The following DAB1 variants were observed in gnomAD, a reference collection of about 807,000 sequenced individuals.
The protein encoded by DAB1 is disabled homolog 1.
In DAB1, 15 loss-of-function variants were observed where a neutral mutation model predicts 64.6. That is an observed-to-expected ratio of 0.23 (90% CI 0.16 to 0.36). DAB1 has a LOEUF of 0.36. Ranked by LOEUF, DAB1 falls within the 10% of genes least tolerant of loss-of-function variation. The probability of loss-of-function intolerance (pLI) is 1.00; values close to 1 mark genes in which losing one functional copy is unlikely to be tolerated. For synonymous variants in DAB1, 235 were observed against 251.9 expected, an observed-to-expected ratio of 0.93 and a Z score of 0.64; for missense variants, 596 against 706.7, an observed-to-expected ratio of 0.84 and a Z score of 1.78.
intron 3 of DAB1, among the ~76,000 whole-genome samples, chr1:58,395,803 T>C (rs1644516429): frequency 6.6e-6 from 1 of 152,188 alleles, no homozygotes. Context: ...TCCTTGGAGC[T>C]TGGTGCTGGG....
At position 57,015,328 on chromosome 1, in the gene DAB1, C is replaced by A. The variant is rs749617356; in HGVS notation, c.999G>T (p.Met333Ile). Residue 333 changes from methionine to isoleucine, a missense_variant, in exon 12 of 15, where the codon ATG becomes ATT. Physicochemically the swap from Met to Ile is conservative, Grantham distance 10. Around this residue, in one of 3 missense-constraint regions of DAB1, gnomAD observed 377 missense variants for 400.4 expected, o/e 0.94. Transcript: ENST00000371236. ...MGAQPPVAQV[M>I]PGAQPIAWGQ... ...CCCATGCGATGGGCTGAGCCCCCGG[C>A]ATCACCTGAGCGACTGGTGGCTGGG... 6.2e-7 allele frequency: 1 copy of A among 1,614,062 alleles called. No individual in the cohort carries two copies. The highest frequency in any genetic ancestry group is 8.5e-7 in the Non-Finnish European group (1 of 1,180,020).
chr1:58,441,667 T>C (rs953126999), intron 3 of DAB1, among the ~76,000 whole-genome samples: 2 of 152,180 alleles, frequency 1.3e-5, no homozygotes, highest in African/African-American at 4.8e-5. Flanking sequence ...GACATTTCTC[T>C]CATATGGTTT....
At chr1:58,300,373 C>G (rs924984235) in intron 4 of DAB1, among the ~76,000 whole-genome samples, 7 of 151,682 alleles carry the variant, frequency 4.6e-5, no homozygotes, top group Non-Finnish European at 2.9e-5. Context: ...TGGTGAAACC[C>G]CGTCTCTACT....
At chr1:57,573,150 C>T (rs1343300869) in intron 7 of DAB1, among the ~76,000 whole-genome samples, 3 of 152,122 alleles carry the variant, frequency 2.0e-5, no homozygotes, top group Admixed American at 1.3e-4. Flanking sequence ...TGCAGTGGCA[C>T]AATCATAGCT....
At chr1:57,326,863 C>T (rs529655332) in intron 1 of DAB1, among the ~76,000 whole-genome samples, 1 of 152,218 alleles carries the variant, frequency 6.6e-6, no homozygotes, top group East Asian at 1.9e-4. Flanking sequence ...GGGCTTAGGG[C>T]TTCAACACAG....
chr1:57,407,767 A>AGTGTGTGAGT (rs1683764830), intron 1 of DAB1, among the ~76,000 whole-genome samples: 1 of 146,940 alleles, frequency 6.8e-6, no homozygotes, highest in Admixed American at 6.8e-5. Flanking sequence ...AGATATCTGA[A>AGTGTGTGAGT]GTGTGTGTGT....
rs1491124501 is a variant in DAB1 at position 57,502,117 on chromosome 1, G to GT, written n.625+147474_625+147475insA. On this transcript the variant is annotated intron_variant and non_coding_transcript_variant, in intron 7 of 20. Transcript: ENST00000485760. ...CAGTGGATCACGAGGTCAGGAGATCGAGACCATCCTGGCTAACACGGTGAA... is the reference window on the plus strand; with the variant it reads ...CAGTGGATCACGAGGTCAGGAGATCGTAGACCATCCTGGCTAACACGGTGAA... Among the ~76,000 whole-genome samples the GT allele has an allele frequency of 3.3e-5, 5 of 152,046 alleles. No homozygotes were observed. In the East Asian group the frequency reaches 7.8e-4, roughly 24 times the overall value.
chr1:57,353,920 T>G (rs1246283952), intron 1 of DAB1, among the ~76,000 whole-genome samples: 1 of 152,188 alleles, frequency 6.6e-6, no homozygotes, highest in Non-Finnish European at 1.5e-5. Context: ...CCTCAAAGCT[T>G]CTTTTCCTTT....
At chr1:58,199,034 G>A (rs1657851601) in intron 4 of DAB1, among the ~76,000 whole-genome samples, 2 of 152,202 alleles carry the variant, frequency 1.3e-5, no homozygotes, top group South Asian at 4.1e-4. Flanking sequence ...TTAAACCTGG[G>A]AGGCAGAGGT....
intron 1 of DAB1, among the ~76,000 whole-genome samples, chr1:57,401,355 A>G (rs1040377738): frequency 1.3e-5 from 2 of 152,210 alleles, no homozygotes; most frequent in African/African-American, 4.8e-5. Context: ...CTAAATATTT[A>G]TTAAGTGCAT....
At chr1:58,541,634 A>AC (rs1646620751) in intron 1 of DAB1, 1 of 148,764 alleles carries the variant, frequency 6.7e-6, no homozygotes, top group Non-Finnish European at 1.5e-5. Flanking sequence ...AAAAAAAAAA[A>AC]AAAAAAACCA....
intron 7 of DAB1, among the ~76,000 whole-genome samples, chr1:57,450,199 C>G (rs1234555553): frequency 6.6e-6 from 1 of 152,148 alleles, no homozygotes; most frequent in Non-Finnish European, 1.5e-5. Flanking sequence ...GAGAGACCAC[C>G]TTGGCTTAAA....
chr1:57,666,849 G>GGAGGGA (rs750012743), intron 6 of DAB1, among the ~76,000 whole-genome samples: 4 of 151,008 alleles, frequency 2.6e-5, no homozygotes, highest in South Asian at 4.2e-4. Flanking sequence ...TTAATTAAAA[G>GGAGGGA]GAGGGAGAGG....
chr1:57,432,139 A>G (rs1443438680), intron 7 of DAB1, among the ~76,000 whole-genome samples: 1 of 152,030 alleles, frequency 6.6e-6, no homozygotes, highest in African/African-American at 2.4e-5. Flanking sequence ...AAAAGAATGA[A>G]TTTCCAATGC....
intron 5 of DAB1, among the ~76,000 whole-genome samples, chr1:57,916,943 C>CA (rs144859309): frequency 0.073 from 9,914 of 135,516 alleles, 343 homozygotes; most frequent in African/African-American, 0.075. Flanking sequence ...AACTCTGTCT[C>CA]AAAAAAAAAA....
chr1:58,231,621 G>A (rs983795625), intron 4 of DAB1, among the ~76,000 whole-genome samples: 2 of 152,162 alleles, frequency 1.3e-5, no homozygotes, highest in Non-Finnish European at 2.9e-5. Flanking sequence ...CCACATCTAT[G>A]CTACATAATA....
chr1:57,163,623 CT>C (rs1233215867), intron 2 of DAB1, among the ~76,000 whole-genome samples: 1 of 152,088 alleles, frequency 6.6e-6, no homozygotes, highest in East Asian at 1.9e-4. Flanking sequence ...AAAGATTTTT[CT>C]GAATGCTCTG....
intron 5 of DAB1, among the ~76,000 whole-genome samples, chr1:58,130,527 T>C (rs1397380800): frequency 2.6e-5 from 4 of 152,144 alleles, no homozygotes; most frequent in Non-Finnish European, 5.9e-5. Context: ...TTTTGCTCGT[T>C]AGTTGATGCA....
At chr1:57,582,255 T>C (rs1471095322) in intron 7 of DAB1, among the ~76,000 whole-genome samples, 1 of 152,176 alleles carries the variant, frequency 6.6e-6, no homozygotes, top group Non-Finnish European at 1.5e-5. Flanking sequence ...TTCACAATCA[T>C]GGAAGAAGGC....
Sources: gnomAD v4.1 joint callset for allele counts (sites outside exome capture counted in the v4.1 genomes callset) on GRCh38, gnomAD v4.1.1 for gene constraint, gnomAD v4.1.1 regional missense constraint, MANE v1.5 for transcripts, NCBI Gene and HGNC (gene_info 2026-07-23, HGNC 2026-07-21) for gene names.